The following CORO1C variants were observed in gnomAD, a reference collection of about 807,000 sequenced individuals.
CORO1C encodes the protein coronin 1C.
In CORO1C, 14 loss-of-function variants were observed where a neutral mutation model predicts 51.2. That is an observed-to-expected ratio of 0.27 (90% CI 0.18 to 0.43). CORO1C has a LOEUF of 0.43. CORO1C is among the 20% of genes least tolerant of loss of function. The pLI is 1.00. For missense variants in CORO1C, 417 were observed against 607.8 expected, an observed-to-expected ratio of 0.69 and a Z score of 3.30; for synonymous variants, 181 against 210.5, an observed-to-expected ratio of 0.86 and a Z score of 1.21.
intron 1 of CORO1C, among the ~76,000 whole-genome samples, chr12:108,715,181 C>T (rs1324109999): frequency 7.2e-5 from 11 of 151,982 alleles, no homozygotes; most frequent in Admixed American, 7.2e-4. Context: ...CTGCACTGAG[C>T]TATTATTGCA....
In CORO1C at chr12:108,657,336, T is replaced by G; in HGVS notation, c.718A>C (p.Met240Leu). Residue 240 changes from methionine to leucine, a missense_variant, in exon 6 of 11, where the codon ATG becomes CTG. Transcript: ENST00000261401. ...GNVFTTGFSR[M>L]SERQLALWNP... ...CAGAGAGCCAGCTGCCGCTCGCTCA[T>G]GCGGCTGAACCCAGTGGTGAAGACA... The G allele has an allele frequency of 6.2e-7, 1 of 1,613,998 alleles. No individual in the cohort carries two copies. Among genetic ancestry groups the G allele is most frequent in the East Asian group, 2.2e-5 (1 of 44,846 alleles).
chr12:108,708,951 A>G (rs1022602773), intron 1 of CORO1C, among the ~76,000 whole-genome samples: 3 of 150,208 alleles, frequency 2.0e-5, no homozygotes, highest in Admixed American at 6.6e-5. Flanking sequence ...GGGTCTAACC[A>G]TGTTGCCCAG....
intron 4 of CORO1C, among the ~76,000 whole-genome samples, chr12:108,661,811 T>C (rs2033273769): frequency 6.6e-6 from 1 of 152,150 alleles, no homozygotes; most frequent in Non-Finnish European, 1.5e-5. Flanking sequence ...ATAGCTTTCC[T>C]CAGGTTGTCG....
chr12:108,655,721 G>A (rs56092188), intron 6 of CORO1C, among the ~76,000 whole-genome samples: 9,811 of 152,166 alleles, frequency 0.064, 580 homozygotes, highest in East Asian at 0.32. Flanking sequence ...GTGTGATCTC[G>A]GCTAGCTACA....
At chr12:108,687,757 C>G (rs150570500) in intron 2 of CORO1C, among the ~76,000 whole-genome samples, 169 of 151,928 alleles carry the variant, frequency 1.1e-3, no homozygotes, top group African/African-American at 3.9e-3. Context: ...TGTACTCCAG[C>G]CTGGGTGACA....
At chr12:108,678,192 A>C in intron 3 of CORO1C, 80 bp downstream of exon 3, 28 of 1,348,082 alleles carry the variant, frequency 2.1e-5, no homozygotes, top group Non-Finnish European at 2.8e-5. Context: ...CTATACATAC[A>C]CACACACCCA....
At chr12:108,730,312 T>A (rs1362121562) in intron 1 of CORO1C, 1 of 152,186 alleles carries the variant, frequency 6.6e-6, no homozygotes, top group Non-Finnish European at 1.5e-5. Context: ...CGATTCCTTT[T>A]CCAGCGTTCA....
chr12:108,704,364 C>T (rs759341982), intron 1 of CORO1C, among the ~76,000 whole-genome samples: 68 of 151,572 alleles, frequency 4.5e-4, no homozygotes, highest in Non-Finnish European at 2.9e-5. Context: ...CCCAGCTACT[C>T]GGGAGGCTGA....
chr12:108,648,734 G>A lies in CORO1C; in HGVS notation c.1176C>T (p.His392=), dbSNP rs144518110. 7.1e-5 allele frequency: 115 copies of A among 1,613,992 alleles called. No individual in the cohort carries two copies. The highest frequency in any genetic ancestry group is 9.2e-5 in the Non-Finnish European group (109 of 1,180,036). ...CCCTGTTTTTGCCTGGAATGTACCC[G>A]TGCTTCAAGGAGATGAGGATTGGGT... ...NADPILISLK[H]GYIPGKNRDL... is the part of the protein sequence containing the mutation. The change falls in exon 10 of 11, where the codon CAC becomes CAT. Residue 392 remains histidine, a synonymous_variant. Transcript: ENST00000261401.
At chr12:108,656,585 G>C (rs531541868) in intron 6 of CORO1C, among the ~76,000 whole-genome samples, 1 of 152,236 alleles carries the variant, frequency 6.6e-6, no homozygotes. Context: ...CCATGATGAC[G>C]ATGGCGGTTT....
intron 4 of CORO1C, 29 bp downstream of exon 4, chr12:108,662,000 A>G: frequency 6.2e-7 from 1 of 1,613,684 alleles, no homozygotes; most frequent in Non-Finnish European, 8.5e-7. Context: ...GTGGAAGACA[A>G]GGGGAGGACC....
chr12:108,722,362 G>C (rs749980495), intron 1 of CORO1C, among the ~76,000 whole-genome samples: 1 of 152,120 alleles, frequency 6.6e-6, no homozygotes, highest in Non-Finnish European at 1.5e-5. Context: ...AATTAAGAGA[G>C]AGATGAAGGA....
intron 3 of CORO1C, among the ~76,000 whole-genome samples, chr12:108,675,946 A>C (rs968428474): frequency 6.6e-6 from 1 of 152,232 alleles, no homozygotes; most frequent in African/African-American, 2.4e-5. Context: ...ATGAGGGTAC[A>C]ATCAGCAAAA....
chr12:108,715,686 A>G (rs931514938), intron 1 of CORO1C, among the ~76,000 whole-genome samples: 7 of 50,662 alleles, frequency 1.4e-4, no homozygotes, highest in Admixed American at 5.8e-4. Context: ...CCATCTCCCT[A>G]AAGTGCACCA....
At chr12:108,728,194 C>T (rs2035634984) in intron 1 of CORO1C, among the ~76,000 whole-genome samples, 1 of 152,082 alleles carries the variant, frequency 6.6e-6, no homozygotes, top group Non-Finnish European at 1.5e-5. Context: ...CGATTACATT[C>T]CTAGGTAAAT....
chr12:108,702,802 A>G, intron 1 of CORO1C: 1 of 1,529,384 alleles, frequency 6.5e-7, no homozygotes, highest in Non-Finnish European at 8.7e-7. Flanking sequence ...TTACCCTTCC[A>G]ACGCATGTGT....
chr12:108,715,655 T>G (rs1240602513), intron 1 of CORO1C, among the ~76,000 whole-genome samples: 1 of 12,734 alleles, frequency 7.9e-5, no homozygotes, highest in Non-Finnish European at 1.6e-4. Context: ...CCCCCCCGCA[T>G]ACTCACAACA....
At chr12:108,678,984 G>A (rs748467091) in intron 2 of CORO1C, among the ~76,000 whole-genome samples, 18 of 151,096 alleles carry the variant, frequency 1.2e-4, no homozygotes, top group Middle Eastern at 3.4e-3. Context: ...GGTGGTGTGC[G>A]CCTGTAGTCC....
At chr12:108,727,566 G>C (rs573932081) in intron 1 of CORO1C, among the ~76,000 whole-genome samples, 178 of 152,286 alleles carry the variant, frequency 1.2e-3, no homozygotes, top group Non-Finnish European at 2.1e-3. Context: ...ATTTGAACAG[G>C]TGAATGGCAT....
Sources: allele counts gnomAD v4.1 joint callset (sites outside exome capture counted in the v4.1 genomes callset), GRCh38; gene constraint gnomAD v4.1.1; transcripts MANE v1.5; gene names NCBI Gene and HGNC (gene_info 2026-07-23, HGNC 2026-07-21).